Variants in SLC14A2 observed in about 807,000 individuals in gnomAD.
SLC14A2 encodes the protein solute carrier family 14 member 2.
A neutral mutation model predicts 104.6 loss-of-function variants in SLC14A2; 91 were observed. The observed-to-expected ratio is 0.87, with a 90% CI of 0.73 to 1.04. The LOEUF is 1.04. Among genes scored for constraint, SLC14A2 ranks in the 50% least tolerant of loss-of-function variants. SLC14A2 has a pLI of 0.00. For missense variants in SLC14A2, 1,189 were observed against 1,156.0 expected, an observed-to-expected ratio of 1.03 and a Z score of -0.41; for synonymous variants, 476 against 466.4, an observed-to-expected ratio of 1.02 and a Z score of -0.27.
chr18:45,359,672 G>GC (rs2085591113), intron 1 of SLC14A2, among the ~76,000 whole-genome samples: 1 of 152,346 alleles, frequency 6.6e-6, no homozygotes, highest in East Asian at 1.9e-4. Context: ...ATCACTGTGT[G>GC]CAGAGGGGGA....
chr18:45,584,380 C>T (rs1198898724), intron 2 of SLC14A2, among the ~76,000 whole-genome samples: 1 of 152,222 alleles, frequency 6.6e-6, no homozygotes, highest in Admixed American at 6.5e-5. Context: ...ACGCCACATG[C>T]CCACACTTAC....
intron 1 of SLC14A2, among the ~76,000 whole-genome samples, chr18:45,220,351 A>G (rs1319734277): frequency 6.6e-6 from 1 of 152,168 alleles, no homozygotes; most frequent in Non-Finnish European, 1.5e-5. Context: ...TTTTGCAATC[A>G]GTTATCAGGC....
intron 1 of SLC14A2, among the ~76,000 whole-genome samples, chr18:45,276,802 G>A (rs2084707373): frequency 6.6e-6 from 1 of 152,076 alleles, no homozygotes. Flanking sequence ...CTGTACCGGT[G>A]CCCAGGACAA....
chr18:45,648,273 T>C (rs187890936), intron 10 of SLC14A2, among the ~76,000 whole-genome samples: 1 of 145,176 alleles, frequency 6.9e-6, no homozygotes, highest in Non-Finnish European at 1.5e-5. Flanking sequence ...TGGCACCATC[T>C]GGGCTCACTG....
At chr18:45,529,616 G>C (rs1379796513) in intron 2 of SLC14A2, 2 of 152,186 alleles carry the variant, frequency 1.3e-5, no homozygotes. Flanking sequence ...TCTGCCTTTC[G>C]ATCTTTAGTC....
In SLC14A2 at chr18:45,395,175, T is replaced by C. The variant is rs182639337; in HGVS notation, c.-124-88058T>C. ...GAATGGATTTTTGGAAAATGTTATA[T>C]ACATACAATGGAATATTACTTGGCT... On this transcript the variant is annotated intron_variant, in intron 1 of 20. Transcript: ENST00000586448. Among the ~76,000 whole-genome samples, 333 of 152,336 alleles carry C rather than the reference T, an allele frequency of 2.2e-3. 6 individuals carry two copies. Among genetic ancestry groups the C allele is most frequent in the Admixed American group, 5.0e-3 (76 of 15,292 alleles).
At chr18:45,621,508 T>C (rs892272999) in intron 1 of SLC14A2, among the ~76,000 whole-genome samples, 2 of 152,174 alleles carry the variant, frequency 1.3e-5, no homozygotes, top group Non-Finnish European at 2.9e-5. Context: ...ATCCCTGAGA[T>C]CCACAGAGAT....
intron 1 of SLC14A2, among the ~76,000 whole-genome samples, chr18:45,387,145 T>C (rs1398820184): frequency 6.6e-6 from 1 of 152,348 alleles, no homozygotes; most frequent in East Asian, 1.9e-4. Context: ...ATAAGAATTT[T>C]GCTGTATCTC....
At chr18:45,660,197 C>A (rs1241867536) in intron 10 of SLC14A2, among the ~76,000 whole-genome samples, 1 of 152,080 alleles carries the variant, frequency 6.6e-6, no homozygotes, top group Non-Finnish European at 1.5e-5. Flanking sequence ...CTACAGTATA[C>A]CACATTCATG....
At chr18:45,478,663 C>T (rs1443230174) in intron 1 of SLC14A2, among the ~76,000 whole-genome samples, 1 of 152,086 alleles carries the variant, frequency 6.6e-6, no homozygotes, top group East Asian at 1.9e-4. Flanking sequence ...CGTGAAGAGC[C>T]AGCCTATAAT....
At chr18:45,271,862 C>A (rs1409160704) in intron 1 of SLC14A2, among the ~76,000 whole-genome samples, 1 of 152,052 alleles carries the variant, frequency 6.6e-6, no homozygotes, top group Non-Finnish European at 1.5e-5. Flanking sequence ...GCAAAAAGAA[C>A]AAAACTGGAG....
At chr18:45,357,134 G>T (rs180771235) in intron 1 of SLC14A2, among the ~76,000 whole-genome samples, 132 of 152,216 alleles carry the variant, frequency 8.7e-4, no homozygotes, top group South Asian at 2.1e-3. Context: ...ACAGTGCTAA[G>T]AAGGGGGACC....
the SLC14A2 span, among the ~76,000 whole-genome samples, chr18:45,196,191 G>GT: frequency 2.1e-4 from 32 of 152,316 alleles, no homozygotes; most frequent in African/African-American, 7.7e-4. Context: ...TTATAATTCA[G>GT]TATGTACACA....
intron 1 of SLC14A2, among the ~76,000 whole-genome samples, chr18:45,217,741 G>C (rs144459896): frequency 2.0e-5 from 3 of 152,278 alleles, no homozygotes; most frequent in East Asian, 1.9e-4. Context: ...TTCTGGCCCT[G>C]TGCTTACATA....
intron 4 of SLC14A2, among the ~76,000 whole-genome samples, chr18:45,629,183 C>A (rs1379230876): frequency 6.6e-6 from 1 of 152,212 alleles, no homozygotes; most frequent in Non-Finnish European, 1.5e-5. Flanking sequence ...GCCGACGTTC[C>A]TCATTCCACC....
chr18:45,532,683 C>G (rs1001206771), intron 2 of SLC14A2, among the ~76,000 whole-genome samples: 2 of 151,906 alleles, frequency 1.3e-5, no homozygotes, highest in Non-Finnish European at 2.9e-5. Context: ...ATTGAATACC[C>G]TTTATTTCCT....
At chr18:45,362,846 A>G (rs1005577966) in intron 1 of SLC14A2, among the ~76,000 whole-genome samples, 2 of 152,162 alleles carry the variant, frequency 1.3e-5, no homozygotes, top group African/African-American at 4.8e-5. Context: ...CTCCAAGACA[A>G]ATATTTAGTT....
intron 2 of SLC14A2, among the ~76,000 whole-genome samples, chr18:45,562,403 G>C (rs745918100): frequency 6.6e-6 from 1 of 152,216 alleles, no homozygotes; most frequent in Non-Finnish European, 1.5e-5. Flanking sequence ...ACTTGATCTT[G>C]ATAGGGGTCT....
At chr18:45,181,729 G>A in the SLC14A2 span, among the ~76,000 whole-genome samples, 17 of 152,212 alleles carry the variant, frequency 1.1e-4, no homozygotes, top group Admixed American at 7.8e-4. Context: ...ACAGATTTAT[G>A]TACCAATTAA....
Sources: gnomAD v4.1 joint callset for allele counts (sites outside exome capture counted in the v4.1 genomes callset) on GRCh38, gnomAD v4.1.1 for gene constraint, MANE v1.5 for transcripts, NCBI Gene and HGNC (gene_info 2026-07-23, HGNC 2026-07-21) for gene names.